Variants in CACNA2D4 observed in about 807,000 individuals in gnomAD.
CACNA2D4 encodes the protein voltage-dependent calcium channel subunit alpha-2/delta-4.
Under a neutral mutation model 163.8 loss-of-function variants are expected in CACNA2D4, and 157 were observed. The observed-to-expected ratio is 0.96, with a 90% CI of 0.84 to 1.09. The LOEUF is 1.09. CACNA2D4 is among the 50% of genes least tolerant of loss of function. The pLI, the probability that CACNA2D4 is intolerant of heterozygous loss-of-function variation, is 0.00. For missense variants in CACNA2D4, 1,410 were observed against 1,479.9 expected, an observed-to-expected ratio of 0.95 and a Z score of 0.78; for synonymous variants, 598 against 586.9, an observed-to-expected ratio of 1.02 and a Z score of -0.27.
chr12:1,884,176 G>A (rs1190465226), intron 12 of CACNA2D4, 67 bp downstream of exon 12: 1 of 1,475,418 alleles, frequency 6.8e-7, no homozygotes, highest in Non-Finnish European at 9.4e-7. Context: ...AGCACTTCCA[G>A]GGCTGGGTAA....
intron 7 of CACNA2D4, 110 bp downstream of exon 7, chr12:1,886,899 G>T: frequency 1.4e-6 from 1 of 709,702 alleles, no homozygotes; most frequent in Non-Finnish European, 2.5e-6. Context: ...CACACCCAAG[G>T]CCCTTGAGTG....
intron 6 of CACNA2D4, among the ~76,000 whole-genome samples, chr12:1,893,032 A>AG (rs1866323424): frequency 6.6e-6 from 1 of 152,232 alleles, no homozygotes; most frequent in Admixed American, 6.5e-5. Context: ...GACAGACTCC[A>AG]ATACAATAAT....
At position 1,840,699 on chromosome 12, in the gene CACNA2D4, C is replaced by T. The variant is rs773199592; in HGVS notation, c.2551+40G>A. The T allele has an allele frequency of 1.4e-5, 22 of 1,556,080 alleles. No homozygotes were observed. In the South Asian group the frequency reaches 2.2e-4, roughly 16 times the overall value. ...TCTATGCCTTGCTCTTTACACTGTC[C>T]CCAGCTTCCTGGCCTCAACACCACA... On this transcript the variant is annotated intron_variant, in intron 26 of 37. Transcript: ENST00000382722.
chr12:1,855,551 C>G (rs930466898), intron 22 of CACNA2D4, among the ~76,000 whole-genome samples: 1 of 152,172 alleles, frequency 6.6e-6, no homozygotes, highest in Non-Finnish European at 1.5e-5. Flanking sequence ...GCAAGGTTAG[C>G]CTGAGGAACT....
chr12:1,805,182 C>A (rs1484320419), intron 29 of CACNA2D4, among the ~76,000 whole-genome samples: 1 of 152,104 alleles, frequency 6.6e-6, no homozygotes, highest in Admixed American at 6.5e-5. Context: ...AGTCGAGGAC[C>A]CCCCCTGCCT....
intron 6 of CACNA2D4, among the ~76,000 whole-genome samples, chr12:1,892,644 T>C (rs1038111304): frequency 1.3e-5 from 2 of 152,112 alleles, no homozygotes; most frequent in African/African-American, 4.8e-5. Flanking sequence ...CACATATTGA[T>C]AATAACCTTG....
Position 1,793,725 on chromosome 12 carries a change from G to T in CACNA2D4, c.3344C>A (p.Thr1115Asn), listed in dbSNP as rs751418941. 6.2e-6 allele frequency: 10 copies of T among 1,613,282 alleles called. No individual in the cohort carries two copies. The highest frequency in any genetic ancestry group is 8.5e-6 in the Non-Finnish European group (10 of 1,179,902). Residue 1115 changes from threonine to asparagine, a missense_variant, in exon 38 of 38, where the codon ACC becomes AAC. Physicochemically the swap from Thr to Asn is moderately conservative, Grantham distance 65 (BLOSUM62 0). Transcript: ENST00000382722. Reference sequence around the variant, plus strand: ...CAGGAGTAGGGGCGGCGAGGCTGAGGTGTCCGAGGCGCCGCCGCAGTCCTG... The same window carrying T: ...CAGGAGTAGGGGCGGCGAGGCTGAGTTGTCCGAGGCGCCGCCGCAGTCCTG... The part of the protein sequence containing the change: ...NAQDCGGASD[T>N]SASPPLLLLP...
At chr12:1,795,242 G>T in intron 37 of CACNA2D4, 57 bp downstream of exon 37, 2 of 1,505,400 alleles carry the variant, frequency 1.3e-6, no homozygotes, top group East Asian at 2.3e-5. Flanking sequence ...ACAGACCCAG[G>T]CACAGAGGGT....
chr12:1,882,067 C>T (rs977269573), intron 13 of CACNA2D4, among the ~76,000 whole-genome samples: 1 of 152,210 alleles, frequency 6.6e-6, no homozygotes, highest in African/African-American at 2.4e-5. Context: ...TCCCCCTTCC[C>T]CTTCCACAGC....
chr12:1,910,076 C>T (rs2154452489), intron 3 of CACNA2D4, 111 bp from the exon 4 acceptor site: 1 of 836,454 alleles, frequency 1.2e-6, no homozygotes, highest in Non-Finnish European at 2.0e-6. Context: ...TGGGTGTATG[C>T]CCAGAAGGAT....
rs1863019709 is a variant in CACNA2D4, at chr12:1,793,042, T to G, written c.*613A>C. Reference sequence around the variant, plus strand: ...TTCCTGAATGGATTTCATTCCTTTCTCAGTCTTGACCATTCCCTTACCCAA... The same window carrying G: ...TTCCTGAATGGATTTCATTCCTTTCGCAGTCTTGACCATTCCCTTACCCAA... On this transcript the variant is annotated 3_prime_UTR_variant, in exon 38 of 38. Coordinates refer to ENST00000382722, the MANE Select transcript of CACNA2D4 (RefSeq NM_172364.5). The G allele has an allele frequency of 6.6e-6, 1 of 152,444 alleles. No individual in the cohort carries two copies. Among genetic ancestry groups the G allele is most frequent in the African/African-American group, 2.4e-5 (1 of 41,452 alleles). The allele number at this position is 152,444 out of a possible 1,614,324, so 9.4% of individuals were successfully genotyped here. A position where few individuals can be genotyped will look rare whatever the true frequency, so the allele number is the denominator to read the frequency against.
At chr12:1,855,363 G>A (rs1412689303) in intron 22 of CACNA2D4, among the ~76,000 whole-genome samples, 1 of 152,166 alleles carries the variant, frequency 6.6e-6, no homozygotes, top group Non-Finnish European at 1.5e-5. Context: ...TTATGTGACA[G>A]GATGACCTGC....
chr12:1,866,002 A>G (rs1474018664), intron 18 of CACNA2D4, among the ~76,000 whole-genome samples: 1 of 151,912 alleles, frequency 6.6e-6, no homozygotes, highest in Non-Finnish European at 1.5e-5. Context: ...TGTGCCTTTT[A>G]TTTTGTTTTC....
At chr12:1,882,103 G>A (rs1201384874) in intron 13 of CACNA2D4, among the ~76,000 whole-genome samples, 1 of 152,190 alleles carries the variant, frequency 6.6e-6, no homozygotes, top group East Asian at 1.9e-4. Flanking sequence ...GGTTTCAGTT[G>A]ACTCATGTTC....
rs928707660 is a variant in CACNA2D4 at position 1,878,090 on chromosome 12, T to C, written c.1719+225A>G. Among the ~76,000 whole-genome samples, 2 of 152,240 alleles carry C rather than the reference T, an allele frequency of 1.3e-5. No homozygotes were observed. The highest frequency in any genetic ancestry group is 1.3e-4 in the Admixed American group (2 of 15,288). ...AAACTGCACACTTCGTTACGTGCTCTCTGGCCCACTCATCAGTCATTTCAC... is the reference window on the plus strand; with the variant it reads ...AAACTGCACACTTCGTTACGTGCTCCCTGGCCCACTCATCAGTCATTTCAC... On this transcript the variant is annotated intron_variant, in intron 16 of 37. Coordinates refer to ENST00000382722, the MANE Select transcript of CACNA2D4 (RefSeq NM_172364.5). This position sits in a 1 kb window ranked among gnomAD's most constrained non-coding sequence, Gnocchi z 4.6.
chr12:1,900,335 A>G (rs1866507247), intron 6 of CACNA2D4, among the ~76,000 whole-genome samples: 1 of 152,122 alleles, frequency 6.6e-6, no homozygotes, highest in Non-Finnish European at 1.5e-5. Flanking sequence ...AGGTCTCACT[A>G]TGTTACCCAG....
rs1478923623 is a variant in CACNA2D4, at chr12:1,874,675, G to A, written c.1807C>T (p.Leu603=). 6.8e-6 allele frequency: 11 copies of A among 1,609,294 alleles called. No homozygotes were observed. Among genetic ancestry groups the A allele is most frequent in the African/African-American group, 1.3e-5 (1 of 74,834 alleles). The change falls in exon 18 of 38, where the codon CTG becomes TTG. Residue 603 remains leucine, a splice_region_variant and synonymous_variant. Coordinates refer to ENST00000382722, the MANE Select transcript of CACNA2D4 (RefSeq NM_172364.5). This position sits in a 1 kb window ranked among gnomAD's most constrained non-coding sequence, Gnocchi z 4.4. ...TCCCTATTGATCATGGCTGTTCTCA[G>A]CTTCAGGAGGAAAGACAATGGCATT... is the stretch of plus-strand genomic sequence containing the variant. ...EVEWEDQAES[L]RTAMINRETG... is the part of the protein sequence containing the mutation.
intron 23 of CACNA2D4, among the ~76,000 whole-genome samples, chr12:1,847,249 G>A (rs1360609092): frequency 6.6e-6 from 1 of 152,202 alleles, no homozygotes; most frequent in Admixed American, 6.5e-5. Flanking sequence ...CTCCCTCCCA[G>A]TCTCAAAGCC....
intron 3 of CACNA2D4, 55 bp downstream of exon 3, chr12:1,912,968 C>A (rs1565743124): frequency 8.8e-7 from 1 of 1,134,932 alleles, no homozygotes; most frequent in East Asian, 2.4e-5. Flanking sequence ...GTCACTCTGC[C>A]ACCTGCGTCA....
Sources: allele counts gnomAD v4.1 joint callset (sites outside exome capture counted in the v4.1 genomes callset), GRCh38; gene constraint gnomAD v4.1.1; non-coding constraint Gnocchi (gnomAD v3.1); transcripts MANE v1.5; gene names NCBI Gene and HGNC (gene_info 2026-07-23, HGNC 2026-07-21).